The following OPCML variants were observed in gnomAD, a reference collection of about 807,000 sequenced individuals.
The protein encoded by OPCML is opioid binding protein/cell adhesion molecule like.
In OPCML, 13 loss-of-function variants were observed where a neutral mutation model predicts 37.8. The ratio of observed to expected loss-of-function variants is 0.34; its 90% CI spans 0.22 to 0.55. The LOEUF (loss-of-function observed/expected upper bound fraction) is 0.55. Ranked by LOEUF, OPCML falls within the 20% of genes least tolerant of loss-of-function variation. The pLI is 0.91. For missense variants in OPCML, 341 were observed against 435.6 expected, an observed-to-expected ratio of 0.78 and a Z score of 1.93; for synonymous variants, 176 against 168.8, an observed-to-expected ratio of 1.04 and a Z score of -0.33.
At chr11:133,458,266 GTA>G (rs758252932) in intron 1 of OPCML, among the ~76,000 whole-genome samples, 2 of 73,394 alleles carry the variant, frequency 2.7e-5, no homozygotes, top group South Asian at 4.1e-4. Flanking sequence ...ACACGTGTGT[GTA>G]TATATACACA....
At chr11:133,028,459 C>G (rs1947604696) in intron 1 of OPCML, among the ~76,000 whole-genome samples, 2 of 151,902 alleles carry the variant, frequency 1.3e-5, no homozygotes, top group African/African-American at 4.8e-5. Context: ...CAAGTACACA[C>G]ATTGCTTAGA....
chr11:132,695,893 C>A (rs1943582936), intron 2 of OPCML, among the ~76,000 whole-genome samples: 1 of 152,154 alleles, frequency 6.6e-6, no homozygotes, highest in Non-Finnish European at 1.5e-5. Context: ...CAAGTGTGAA[C>A]TTGTCAGACA....
chr11:133,087,877 G>A (rs1323966533), intron 1 of OPCML, among the ~76,000 whole-genome samples: 2 of 152,168 alleles, frequency 1.3e-5, no homozygotes, highest in Admixed American at 6.5e-5. Context: ...TGTAAAACGG[G>A]CACTCAGCTC....
intron 2 of OPCML, among the ~76,000 whole-genome samples, chr11:132,719,182 T>C (rs547050052): frequency 2.6e-5 from 4 of 152,360 alleles, no homozygotes; most frequent in East Asian, 3.9e-4. Context: ...TCTTCTGTCA[T>C]GCAGACACTA....
At chr11:132,795,099 TACACACACACACACAG>T (rs1565869542) in intron 2 of OPCML, among the ~76,000 whole-genome samples, 3 of 151,116 alleles carry the variant, frequency 2.0e-5, no homozygotes, top group African/African-American at 7.3e-5. Context: ...CATATACGTA[TACACACACACACACAG>T]ACACACACAC....
At chr11:133,165,997 C>T (rs1353398535) in intron 1 of OPCML, among the ~76,000 whole-genome samples, 1 of 152,182 alleles carries the variant, frequency 6.6e-6, no homozygotes, top group Non-Finnish European at 1.5e-5. Flanking sequence ...AAAGACTTAG[C>T]GAATGCCTAT....
At chr11:132,447,911 C>T (rs1238489547) in intron 4 of OPCML, among the ~76,000 whole-genome samples, 1 of 152,252 alleles carries the variant, frequency 6.6e-6, no homozygotes, top group African/African-American at 2.4e-5. Flanking sequence ...ATCAGCTATA[C>T]TCTTCTCTGG....
chr11:133,254,966 A>G (rs555344620), intron 1 of OPCML, among the ~76,000 whole-genome samples: 10 of 152,238 alleles, frequency 6.6e-5, no homozygotes, highest in Non-Finnish European at 1.3e-4. Context: ...AGGAAAGCCA[A>G]ATTAACGCTC....
At chr11:133,272,825 A>C (rs1046829734) in intron 1 of OPCML, among the ~76,000 whole-genome samples, 1 of 152,250 alleles carries the variant, frequency 6.6e-6, no homozygotes, top group South Asian at 2.1e-4. Flanking sequence ...AGAATATCCA[A>C]GCACAAAGGA....
intron 2 of OPCML, among the ~76,000 whole-genome samples, chr11:132,667,630 A>G (rs576852484): frequency 2.6e-5 from 4 of 152,360 alleles, no homozygotes; most frequent in African/African-American, 9.6e-5. Context: ...GAGAAGAAAA[A>G]ATAAGAGAAA....
rs190662520 is a variant in OPCML, at chr11:133,206,396, G to T, written c.62-263386C>A. On this transcript the variant is annotated intron_variant, in intron 1 of 7. Coordinates refer to ENST00000524381, the MANE Select transcript of OPCML (RefSeq NM_001012393.5). The surrounding 1 kb of genome is among the most constrained non-coding windows in gnomAD (Gnocchi z 4.7). The stretch of plus-strand genomic sequence containing the variant: ...CATTTAGGAAACTGCATAACTTCTG[G>T]AGTCCTCAGTTTCCTGAGCTATGAA... Among the ~76,000 whole-genome samples the T allele has an allele frequency of 1.1e-3, 168 of 152,244 alleles. No homozygotes were observed. Among genetic ancestry groups the T allele is most frequent in the Admixed American group, 7.7e-3 (117 of 15,294 alleles).
At chr11:132,679,962 T>C (rs1355538012) in intron 2 of OPCML, among the ~76,000 whole-genome samples, 1 of 152,214 alleles carries the variant, frequency 6.6e-6, no homozygotes, top group Non-Finnish European at 1.5e-5. Flanking sequence ...AAGGACTTTT[T>C]AGTAGATGCA....
intron 1 of OPCML, among the ~76,000 whole-genome samples, chr11:133,000,834 A>T (rs1218990528): frequency 1.3e-5 from 2 of 152,186 alleles, no homozygotes; most frequent in Non-Finnish European, 1.5e-5. Flanking sequence ...TGTCTGTCTC[A>T]TGGGGGCGAG....
At chr11:132,651,738 T>G in intron 3 of OPCML, among the ~76,000 whole-genome samples, 1 of 152,312 alleles carries the variant, frequency 6.6e-6, no homozygotes, top group African/African-American at 2.4e-5. Flanking sequence ...ACCAACCAAT[T>G]TCACCTGAAC....
intron 1 of OPCML, among the ~76,000 whole-genome samples, chr11:133,328,814 T>G (rs1041579286): frequency 6.6e-6 from 1 of 152,108 alleles, no homozygotes. Context: ...TTCAACATAG[T>G]GTCGGAAGTT....
chr11:132,690,974 C>T (rs1943379649), intron 2 of OPCML, among the ~76,000 whole-genome samples: 1 of 152,200 alleles, frequency 6.6e-6, no homozygotes, highest in Non-Finnish European at 1.5e-5. Context: ...CAGGTTGACT[C>T]ATTCTCTCAT....
At chr11:132,877,376 G>A (rs956929816) in intron 2 of OPCML, among the ~76,000 whole-genome samples, 2 of 152,128 alleles carry the variant, frequency 1.3e-5, no homozygotes, top group African/African-American at 4.8e-5. Flanking sequence ...TCAAATCATG[G>A]TATCAATAAA....
intron 1 of OPCML, among the ~76,000 whole-genome samples, chr11:132,962,575 A>G: frequency 6.6e-6 from 1 of 152,234 alleles, no homozygotes; most frequent in East Asian, 1.9e-4. Flanking sequence ...TATTTGTCAC[A>G]GAGGGGGCAC....
chr11:132,658,449 C>T (rs1485764644), intron 2 of OPCML, among the ~76,000 whole-genome samples: 2 of 152,162 alleles, frequency 1.3e-5, no homozygotes, highest in Admixed American at 1.3e-4. Context: ...GATGTCAGGA[C>T]CTGGCCAAGT....
Sources: gnomAD v4.1 joint callset for allele counts (sites outside exome capture counted in the v4.1 genomes callset) on GRCh38, gnomAD v4.1.1 for gene constraint, Gnocchi (gnomAD v3.1) non-coding constraint, MANE v1.5 for transcripts, NCBI Gene and HGNC (gene_info 2026-07-23, HGNC 2026-07-21) for gene names.